The following ARSH variants were observed in gnomAD, a reference collection of about 807,000 sequenced individuals.
ARSH encodes arylsulfatase H.
Under a neutral mutation model 28.7 loss-of-function variants are expected in ARSH, and 32 were observed. The ratio of observed to expected loss-of-function variants is 1.11; its 90% CI spans 0.84 to 1.50. The LOEUF is 1.50. ARSH is among the 40% of genes most tolerant of loss of function. The probability of loss-of-function intolerance (pLI) is 0.00; values close to 1 mark genes in which losing one functional copy is unlikely to be tolerated. For missense variants in ARSH, 440 were observed against 452.4 expected, an observed-to-expected ratio of 0.97 and a Z score of 0.25; for synonymous variants, 176 against 177.3, an observed-to-expected ratio of 0.99 and a Z score of 0.06.
At chrX:3,018,102 C>T (rs764677905) in intron 4 of ARSH, among the ~76,000 whole-genome samples, 1 of 111,844 alleles carries the variant, frequency 8.9e-6, no homozygotes, top group East Asian at 2.8e-4. Context: ...CAGGCTCAAG[C>T]GAACCCCTTG....
intron 7 of ARSH, among the ~76,000 whole-genome samples, chrX:3,028,089 T>C (rs2089903813): frequency 1.8e-5 from 2 of 111,956 alleles, no homozygotes; most frequent in Non-Finnish European, 3.8e-5. Flanking sequence ...GGTGACAGGG[T>C]GATGCCCTGT....
intron 3 of ARSH, 93 bp downstream of exon 3, chrX:3,013,265 C>T (rs748293868): frequency 3.9e-6 from 4 of 1,017,123 alleles, no homozygotes; most frequent in Non-Finnish European, 5.3e-6. Flanking sequence ...GCTTTGTGCG[C>T]GCCAGTTTGA....
chrX:3,016,988 A>G (rs1310067003), intron 4 of ARSH, among the ~76,000 whole-genome samples: 1 of 110,364 alleles, frequency 9.1e-6, no homozygotes, highest in African/African-American at 3.3e-5. Context: ...AGGGGAGGAT[A>G]TATTGTTACT....
chrX:3,029,454 T>G, intron 8 of ARSH, 86 bp downstream of exon 8: 2 of 1,089,634 alleles, frequency 1.8e-6, no homozygotes, highest in Non-Finnish European at 2.5e-6. Flanking sequence ...CTGCACCATG[T>G]GCAGATATTG....
intron 8 of ARSH, among the ~76,000 whole-genome samples, chrX:3,031,210 A>G (rs772239944): frequency 9.9e-5 from 11 of 111,524 alleles, no homozygotes; most frequent in Non-Finnish European, 1.9e-4. Context: ...GTAAGTATGC[A>G]TTAGCTTGTG....
At chrX:3,016,598 G>A (rs1292712767) in intron 4 of ARSH, among the ~76,000 whole-genome samples, 1 of 110,817 alleles carries the variant, frequency 9.0e-6, no homozygotes, top group Non-Finnish European at 1.9e-5. Flanking sequence ...ATTATTTGGA[G>A]ACAGGGTCTC....
At chrX:3,028,346 G>C (rs1385667232) in intron 7 of ARSH, among the ~76,000 whole-genome samples, 1 of 109,106 alleles carries the variant, frequency 9.2e-6, no homozygotes, top group Non-Finnish European at 1.9e-5. Context: ...GAGTAGCTGG[G>C]ACTACAGGCG....
Position 3,033,502 on chromosome X carries a change from T to C in ARSH, c.*117T>C, listed in dbSNP as rs1690311733. The C allele has an allele frequency of 1.2e-6, 1 of 814,361 alleles. No individual in the cohort carries two copies. The highest frequency in any genetic ancestry group is 2.1e-5 in the African/African-American group (1 of 48,628). The allele number at this position is 814,361 out of a possible 1,213,427, so 67.1% of individuals were successfully genotyped here. On this transcript the variant is annotated 3_prime_UTR_variant, in exon 9 of 9. Transcript: ENST00000381130. ...TAAAAACTGATGGCCCAACCCATTGTTTTATCCTCAGAAATCAGTTCTTTC... is the reference window on the plus strand; with the variant it reads ...TAAAAACTGATGGCCCAACCCATTGCTTTATCCTCAGAAATCAGTTCTTTC...
intron 5 of ARSH, among the ~76,000 whole-genome samples, chrX:3,020,961 T>C (rs758214652): frequency 1.8e-5 from 2 of 111,511 alleles, no homozygotes; most frequent in African/African-American, 3.2e-5. Flanking sequence ...CATATATATA[T>C]ACACACACCC....
intron 6 of ARSH, 98 bp from the exon 7 acceptor site, chrX:3,027,215 C>T (rs1323574924): frequency 1.1e-6 from 1 of 951,447 alleles, no homozygotes; most frequent in African/African-American, 1.9e-5. Flanking sequence ...CCACCTCGGC[C>T]CCCCAAAGTG....
chrX:3,024,509 A>G (rs768703783), intron 6 of ARSH, among the ~76,000 whole-genome samples: 1 of 110,751 alleles, frequency 9.0e-6, no homozygotes, highest in East Asian at 2.9e-4. Flanking sequence ...CTCCACCCAC[A>G]CATGCCAGTA....
intron 5 of ARSH, among the ~76,000 whole-genome samples, chrX:3,022,192 T>G (rs1055047879): frequency 6.3e-5 from 7 of 111,629 alleles, no homozygotes; most frequent in African/African-American, 2.3e-4. Context: ...ATATATTTGT[T>G]CTGGAACAGA....
rs1370960963 is a variant in ARSH at position 3,033,483 on chromosome X, C to T, written c.*98C>T. The T allele has an allele frequency of 4.4e-6, 4 of 916,241 alleles. No homozygotes were observed. Among genetic ancestry groups the T allele is most frequent in the African/African-American group, 4.0e-5 (2 of 50,161 alleles). The allele number at this position is 916,241 out of a possible 1,213,427, so 75.5% of individuals were successfully genotyped here. Reference sequence around the variant, plus strand: ...TGATTCATTCCATTTGGGATAAAAACTGATGGCCCAACCCATTGTTTTATC... The same window carrying T: ...TGATTCATTCCATTTGGGATAAAAATTGATGGCCCAACCCATTGTTTTATC... On this transcript the variant is annotated 3_prime_UTR_variant, in exon 9 of 9. Coordinates refer to ENST00000381130, the MANE Select transcript of ARSH (RefSeq NM_001011719.2).
At chrX:3,027,974 G>A (rs1305947422) in intron 7 of ARSH, among the ~76,000 whole-genome samples, 1 of 109,894 alleles carries the variant, frequency 9.1e-6, no homozygotes, top group African/African-American at 3.3e-5. Flanking sequence ...GTGGTGGCAC[G>A]TGCCTGTAAT....
At chrX:3,029,013 G>A (rs371577430) in intron 7 of ARSH, among the ~76,000 whole-genome samples, 2 of 107,998 alleles carry the variant, frequency 1.9e-5, no homozygotes, top group East Asian at 5.8e-4. Context: ...GGGAGGCGGA[G>A]GTTGCAGTGA....
chrX:3,018,348 T>A (rs1022354576), intron 4 of ARSH, among the ~76,000 whole-genome samples, 186 bp from the exon 5 acceptor site: 1 of 111,737 alleles, frequency 8.9e-6, no homozygotes, highest in African/African-American at 3.3e-5. Flanking sequence ...CCTTCATTCC[T>A]CCTCATATCC....
intron 2 of ARSH, among the ~76,000 whole-genome samples, chrX:3,012,144 A>G (rs1272267520): frequency 8.9e-6 from 1 of 112,004 alleles, no homozygotes; most frequent in Non-Finnish European, 1.9e-5. Context: ...GCCTGAAATT[A>G]TCATTTATTT....
intron 7 of ARSH, among the ~76,000 whole-genome samples, chrX:3,028,935 G>C (rs971804098): frequency 4.6e-5 from 5 of 109,467 alleles, no homozygotes; most frequent in African/African-American, 1.7e-4. Context: ...AAAATTAGCA[G>C]GGCATGGTGG....
At chrX:3,016,325 A>G (rs2089866347) in intron 4 of ARSH, among the ~76,000 whole-genome samples, 1 of 111,194 alleles carries the variant, frequency 9.0e-6, no homozygotes, top group African/African-American at 3.3e-5. Flanking sequence ...AAAAATGAAA[A>G]CTAGAGTTGC....
Sources: allele counts gnomAD v4.1 joint callset (sites outside exome capture counted in the v4.1 genomes callset), GRCh38; gene constraint gnomAD v4.1.1; transcripts MANE v1.5; gene names NCBI Gene and HGNC (gene_info 2026-07-23, HGNC 2026-07-21).